Variants in ADCY8 observed in about 807,000 individuals in gnomAD.
ADCY8 encodes adenylate cyclase 8.
A neutral mutation model predicts 119.7 loss-of-function variants in ADCY8; 51 were observed. The ratio of observed to expected loss-of-function variants is 0.43; its 90% CI spans 0.34 to 0.54. The LOEUF (loss-of-function observed/expected upper bound fraction) is 0.54, where lower values mean the gene tolerates loss of function less well. Ranked by LOEUF, ADCY8 falls within the 20% of genes least tolerant of loss-of-function variation. The pLI is 0.03. For missense variants in ADCY8, 1,383 were observed against 1,598.8 expected, an observed-to-expected ratio of 0.87 and a Z score of 2.30; for synonymous variants, 665 against 651.0, an observed-to-expected ratio of 1.02 and a Z score of -0.33.
intron 1 of ADCY8, among the ~76,000 whole-genome samples, chr8:130,993,172 T>A (rs1183058330): frequency 6.6e-6 from 1 of 152,174 alleles, no homozygotes; most frequent in Non-Finnish European, 1.5e-5. Context: ...AATGCCAGAC[T>A]AAAGATAATT....
rs143239917 is a variant in ADCY8 at position 130,982,413 on chromosome 8, C to T, written c.1110+7980G>A. ...GGGGCATCTGAGCATCAGATTGGGG[C>T]GTTGGTGAAATTTTCACAGAAATAG... On this transcript the variant is annotated intron_variant, in intron 2 of 17. Transcript: ENST00000286355. Among the ~76,000 whole-genome samples, 60 of 152,298 alleles carry T rather than the reference C, an allele frequency of 3.9e-4. 2 individuals carry two copies. In the East Asian group the frequency reaches 9.6e-3, roughly 24 times the overall value.
intron 5 of ADCY8, among the ~76,000 whole-genome samples, chr8:130,912,352 G>A (rs1209734686): frequency 2.0e-5 from 3 of 152,142 alleles, no homozygotes; most frequent in Admixed American, 6.5e-5. Flanking sequence ...AGGTGGATGG[G>A]TGGATGCCTG....
At chr8:130,997,724 C>G (rs1352224159) in intron 1 of ADCY8, among the ~76,000 whole-genome samples, 1 of 152,124 alleles carries the variant, frequency 6.6e-6, no homozygotes, top group Non-Finnish European at 1.5e-5. Flanking sequence ...TTAATTTTTA[C>G]TAAATGTTTT....
intron 1 of ADCY8, among the ~76,000 whole-genome samples, chr8:131,013,335 G>A (rs1823369265): frequency 6.6e-6 from 1 of 152,138 alleles, no homozygotes; most frequent in African/African-American, 2.4e-5. Context: ...GGCAGAAGGA[G>A]AGCAGGGAGG....
At chr8:130,949,849 G>A (rs910826183) in intron 3 of ADCY8, among the ~76,000 whole-genome samples, 1 of 152,082 alleles carries the variant, frequency 6.6e-6, no homozygotes, top group Non-Finnish European at 1.5e-5. Flanking sequence ...TTCTTATTAT[G>A]TGTGGGACCA....
At chr8:130,882,990 T>A (rs1248547324) in intron 8 of ADCY8, among the ~76,000 whole-genome samples, 3 of 152,148 alleles carry the variant, frequency 2.0e-5, no homozygotes, top group Non-Finnish European at 4.4e-5. Context: ...AGACTGTCAA[T>A]GGGCAAGTCC....
At chr8:130,818,098 G>A (rs547762144) in intron 13 of ADCY8, among the ~76,000 whole-genome samples, 23 of 152,266 alleles carry the variant, frequency 1.5e-4, no homozygotes, top group Non-Finnish European at 3.2e-4. Context: ...CAAAGGACAG[G>A]GGAATTTCTT....
intron 5 of ADCY8, among the ~76,000 whole-genome samples, chr8:130,933,216 T>C (rs201422914): frequency 3.0e-5 from 1 of 33,542 alleles, no homozygotes; most frequent in Non-Finnish European, 4.9e-5. Flanking sequence ...TATATTAACA[T>C]ATAACATTAT....
intron 4 of ADCY8, among the ~76,000 whole-genome samples, chr8:130,937,442 C>T (rs746325477): frequency 1.3e-5 from 2 of 152,206 alleles, no homozygotes; most frequent in East Asian, 1.9e-4. Context: ...TCAAAAGCTA[C>T]ATGGTTATAT....
intron 1 of ADCY8, among the ~76,000 whole-genome samples, chr8:131,007,089 A>G (rs553012667): frequency 2.0e-5 from 3 of 152,362 alleles, no homozygotes; most frequent in African/African-American, 7.2e-5. Flanking sequence ...TACAAACAGT[A>G]AAAAAGAAAA....
chr8:130,783,562 G>A (rs1815155926), intron 17 of ADCY8, 129 bp downstream of exon 17: 2 of 608,668 alleles, frequency 3.3e-6, no homozygotes, highest in Admixed American at 6.4e-5. Flanking sequence ...CCTATCCTTG[G>A]CAGGGTCATG....
chr8:130,849,370 C>T (rs1817438823), intron 10 of ADCY8, among the ~76,000 whole-genome samples: 1 of 152,122 alleles, frequency 6.6e-6, no homozygotes, highest in African/African-American at 2.4e-5. Context: ...TTTTGGAACT[C>T]CTTTGGAGAA....
intron 5 of ADCY8, among the ~76,000 whole-genome samples, chr8:130,921,902 G>T (rs1820320516): frequency 6.6e-6 from 1 of 152,162 alleles, no homozygotes; most frequent in Non-Finnish European, 1.5e-5. Context: ...GTATTGAAAG[G>T]GGGCTTTTAA....
intron 1 of ADCY8, among the ~76,000 whole-genome samples, chr8:131,013,000 A>G (rs1400202541): frequency 2.0e-5 from 3 of 152,226 alleles, no homozygotes; most frequent in Non-Finnish European, 4.4e-5. Context: ...TGAATGAATG[A>G]ATTTGTCAAA....
In ADCY8 at chr8:130,954,215, G is replaced by A. The variant is rs74523180; in HGVS notation, c.1111-2217C>T. Among the ~76,000 whole-genome samples, 851 of 152,304 alleles carry A rather than the reference G, an allele frequency of 5.6e-3. 2 individuals are homozygous for A. The highest frequency in any genetic ancestry group is 0.017 in the Middle Eastern group (5 of 294). Reference sequence around the variant, plus strand: ...ACAGTGATGTTTTAATAACCAGAGTGAGAAAAATGGAAGAACTTATGTTAG... The same window carrying A: ...ACAGTGATGTTTTAATAACCAGAGTAAGAAAAATGGAAGAACTTATGTTAG... On this transcript the variant is annotated intron_variant, in intron 2 of 17. Coordinates refer to ENST00000286355, the MANE Select transcript of ADCY8 (RefSeq NM_001115.3).
chr8:130,791,381 G>C (rs1442833383), intron 15 of ADCY8, among the ~76,000 whole-genome samples: 1 of 152,144 alleles, frequency 6.6e-6, no homozygotes, highest in African/African-American at 2.4e-5. Flanking sequence ...TGCACACAGG[G>C]GCAGGTGCCG....
intron 6 of ADCY8, 57 bp from the exon 7 acceptor site, chr8:130,904,099 AT>A (rs1563722268): frequency 5.9e-6 from 9 of 1,535,330 alleles, no homozygotes; most frequent in Middle Eastern, 1.7e-4. Context: ...CAAAGGCTAT[AT>A]TTTTTTGACC....
intron 8 of ADCY8, among the ~76,000 whole-genome samples, chr8:130,876,614 G>C (rs991707072): frequency 6.6e-6 from 1 of 152,120 alleles, no homozygotes; most frequent in East Asian, 1.9e-4. Flanking sequence ...CCTTTATCAA[G>C]ATTGTGTCTG....
At chr8:130,797,212 A>G (rs1360528384) in intron 15 of ADCY8, among the ~76,000 whole-genome samples, 1 of 151,908 alleles carries the variant, frequency 6.6e-6, no homozygotes, top group African/African-American at 2.4e-5. Context: ...AACTGTCTTA[A>G]AACATTATGA....
Sources: gnomAD v4.1 joint callset for allele counts (sites outside exome capture counted in the v4.1 genomes callset) on GRCh38, gnomAD v4.1.1 for gene constraint, MANE v1.5 for transcripts, NCBI Gene and HGNC (gene_info 2026-07-23, HGNC 2026-07-21) for gene names.